The following ST18 variants were observed in gnomAD, a reference collection of about 807,000 sequenced individuals.
The protein encoded by ST18 is suppression of tumorigenicity 18 protein.
A neutral mutation model predicts 110.0 loss-of-function variants in ST18; 50 were observed. That is an observed-to-expected ratio of 0.45 (90% CI 0.36 to 0.58). ST18 has a LOEUF of 0.58. ST18 is among the 20% of genes least tolerant of loss of function. The pLI is 0.00. For synonymous variants in ST18, 461 were observed against 452.4 expected, an observed-to-expected ratio of 1.02 and a Z score of -0.24; for missense variants, 1,306 against 1,280.1, an observed-to-expected ratio of 1.02 and a Z score of -0.31.
At chr8:52,268,717 C>T (rs1207897174) in intron 2 of ST18, among the ~76,000 whole-genome samples, 1 of 152,190 alleles carries the variant, frequency 6.6e-6, no homozygotes, top group Admixed American at 6.5e-5. Flanking sequence ...ACCAGGCATA[C>T]AGCTGAAGAA....
Position 52,172,042 on chromosome 8 carries a change from G to A in ST18, c.819C>T (p.Pro273=), listed in dbSNP as rs1482464636. The A allele has an allele frequency of 1.2e-6, 2 of 1,614,226 alleles. No individual in the cohort carries two copies. Among genetic ancestry groups the A allele is most frequent in the East Asian group, 2.2e-5 (1 of 44,886 alleles). ...CTTCCTCCTCAACGTCAGGGAATGA[G>A]GGCTGGGCATTGCCATCCAGGGGTT... The part of the protein sequence containing the change: ...LAEPLDGNAQ[P]SFPDVEEEDS... Residue 273 remains proline (P), a synonymous_variant, in exon 10 of 26, where the codon CCC becomes CCT. Transcript: ENST00000689386.
intron 2 of ST18, among the ~76,000 whole-genome samples, chr8:52,356,559 A>G (rs1822836401): frequency 6.6e-6 from 1 of 152,238 alleles, no homozygotes; most frequent in Non-Finnish European, 1.5e-5. Context: ...GTTTTCAACA[A>G]GAATTTATAA....
intron 13 of ST18, 121 bp from the exon 14 acceptor site, chr8:52,161,689 C>G: frequency 8.7e-7 from 1 of 1,143,934 alleles, no homozygotes; most frequent in South Asian, 1.6e-5. Flanking sequence ...AGACACTGAA[C>G]AATAAGAGAG....
chr8:52,159,725 G>C (rs1437960467), intron 14 of ST18, among the ~76,000 whole-genome samples: 3 of 152,192 alleles, frequency 2.0e-5, no homozygotes, highest in African/African-American at 7.2e-5. Context: ...TAGGGAGAGA[G>C]AGATAAATAA....
At chr8:52,284,150 A>G (rs1401820772) in intron 2 of ST18, among the ~76,000 whole-genome samples, 4 of 152,180 alleles carry the variant, frequency 2.6e-5, no homozygotes, top group Admixed American at 6.5e-5. Context: ...GTGTGCATGG[A>G]GGTGATTTTA....
intron 22 of ST18, among the ~76,000 whole-genome samples, chr8:52,129,743 C>T (rs2048464570): frequency 6.6e-6 from 1 of 152,058 alleles, no homozygotes; most frequent in Admixed American, 6.6e-5. Context: ...TTCCCATCTC[C>T]TAGAAAATAA....
intron 8 of ST18, among the ~76,000 whole-genome samples, chr8:52,190,455 G>A (rs1000371215): frequency 6.6e-6 from 1 of 152,016 alleles, no homozygotes; most frequent in Non-Finnish European, 1.5e-5. Flanking sequence ...CTGATCCTGG[G>A]GGCCGACAGT....
At chr8:52,175,970 G>A (rs763637808) in intron 9 of ST18, among the ~76,000 whole-genome samples, 2 of 152,048 alleles carry the variant, frequency 1.3e-5, no homozygotes, top group African/African-American at 2.4e-5. Flanking sequence ...TCTCAAGTTC[G>A]GATATTTTCA....
At chr8:52,300,488 G>A (rs766676200) in intron 2 of ST18, among the ~76,000 whole-genome samples, 10 of 152,082 alleles carry the variant, frequency 6.6e-5, no homozygotes, top group South Asian at 2.1e-4. Context: ...CTGTGTTTTC[G>A]TTTTTGCTTT....
intron 8 of ST18, among the ~76,000 whole-genome samples, chr8:52,181,682 T>A (rs1284184557): frequency 6.6e-6 from 1 of 152,140 alleles, no homozygotes; most frequent in Non-Finnish European, 1.5e-5. Context: ...AAATGGAATA[T>A]AACCAGATGA....
chr8:52,318,841 T>C (rs2096073610), intron 2 of ST18, among the ~76,000 whole-genome samples: 1 of 151,886 alleles, frequency 6.6e-6, no homozygotes, highest in Non-Finnish European at 1.5e-5. Flanking sequence ...ATACTGCGTA[T>C]TCTCACTTAT....
At chr8:52,380,539 G>T (rs1288981838) in intron 2 of ST18, among the ~76,000 whole-genome samples, 1 of 152,012 alleles carries the variant, frequency 6.6e-6, no homozygotes, top group African/African-American at 2.4e-5. Flanking sequence ...CACAGAGAAA[G>T]AACATCTGTC....
At chr8:52,182,067 A>G (rs753676932) in intron 8 of ST18, among the ~76,000 whole-genome samples, 5 of 152,150 alleles carry the variant, frequency 3.3e-5, no homozygotes, top group South Asian at 4.2e-4. Context: ...TAAAACTAAG[A>G]TCATTAAGCC....
intron 2 of ST18, chr8:52,407,067 G>C (rs1161576679): frequency 6.6e-6 from 1 of 152,160 alleles, no homozygotes; most frequent in Non-Finnish European, 1.5e-5. Context: ...ATAAAATTTA[G>C]TGAAGATATT....
chr8:52,366,091 C>T (rs1261584301), intron 2 of ST18, among the ~76,000 whole-genome samples: 3 of 152,262 alleles, frequency 2.0e-5, no homozygotes, highest in African/African-American at 4.8e-5. Flanking sequence ...GGACACACAA[C>T]TTGTCCAGAA....
chr8:52,330,467 G>A (rs555829101), intron 2 of ST18, among the ~76,000 whole-genome samples: 1 of 152,310 alleles, frequency 6.6e-6, no homozygotes, highest in South Asian at 2.1e-4. Flanking sequence ...GATAGCAAAT[G>A]TCCCTTTTCA....
chr8:52,270,821 A>C (rs1330893468), intron 2 of ST18, among the ~76,000 whole-genome samples: 1 of 152,190 alleles, frequency 6.6e-6, no homozygotes, highest in Non-Finnish European at 1.5e-5. Context: ...ACAACTCTGC[A>C]AATTTATTAA....
chr8:52,250,909 A>G (rs545193622), intron 2 of ST18, among the ~76,000 whole-genome samples: 11 of 152,144 alleles, frequency 7.2e-5, no homozygotes, highest in Non-Finnish European at 1.6e-4. Flanking sequence ...ACACCTTATC[A>G]CATTGATTGA....
At chr8:52,133,327 G>A in intron 19 of ST18, 26 bp from the exon 20 acceptor site, 1 of 1,613,984 alleles carries the variant, frequency 6.2e-7, no homozygotes, top group African/African-American at 1.3e-5. Context: ...AGAGAGCATG[G>A]GCTGAGAAGT....
Sources: gnomAD v4.1 joint callset for allele counts (sites outside exome capture counted in the v4.1 genomes callset) on GRCh38, gnomAD v4.1.1 for gene constraint, MANE v1.5 for transcripts, NCBI Gene and HGNC (gene_info 2026-07-23, HGNC 2026-07-21) for gene names.